LATS1: variants seen among roughly 807,000 people sequenced by gnomAD.
The protein encoded by LATS1 is large tumor suppressor kinase 1, also known as serine/threonine-protein kinase LATS1.
In LATS1, 25 loss-of-function variants were observed where a neutral mutation model predicts 106.6. The ratio of observed to expected loss-of-function variants is 0.23; its 90% CI spans 0.17 to 0.33. The LOEUF (loss-of-function observed/expected upper bound fraction) is 0.33. Ranked by LOEUF, LATS1 falls within the 10% of genes least tolerant of loss-of-function variation. The probability of loss-of-function intolerance (pLI) is 1.00; values close to 1 mark genes in which losing one functional copy is unlikely to be tolerated. For missense variants in LATS1, 1,040 were observed against 1,382.6 expected (o/e 0.75, Z 3.93); for synonymous variants, 465 against 455.6 (o/e 1.02, Z -0.26).
At chr6:149,711,879 AG>A (rs2115018220) in intron 1 of LATS1, among the ~76,000 whole-genome samples, 1 of 152,262 alleles carries the variant, frequency 6.6e-6, no homozygotes, top group African/African-American at 2.4e-5. Flanking sequence ...CTCTTTTTCT[AG>A]GAAGAGCGCT....
intron 7 of LATS1, among the ~76,000 whole-genome samples, chr6:149,673,080 C>CCTTTT (rs201814574): frequency 6.2e-5 from 9 of 146,210 alleles, no homozygotes; most frequent in South Asian, 2.1e-4. Context: ...TTTACTTCTT[C>CCTTTT]CTTTTCTTTT....
rs148683701 is a variant in LATS1 at position 149,697,983 on chromosome 6, A to G, written c.349-2762T>C. 2.7e-3 allele frequency among the ~76,000 whole-genome samples: 411 copies of G among 152,168 alleles called. 2 individuals carry two copies. The highest frequency in any genetic ancestry group is 8.2e-3 in the African/African-American group (341 of 41,514). ...TCGAACTCCTGACCTCAAGTGATCT[A>G]CCCACCTTGGCCTCCTGAAGTGCTG... On this transcript the variant is annotated intron_variant, in intron 2 of 7. Coordinates refer to ENST00000543571, the MANE Select transcript of LATS1 (RefSeq NM_004690.4).
At chr6:149,712,731 T>C (rs1784175083) in intron 1 of LATS1, among the ~76,000 whole-genome samples, 1 of 152,308 alleles carries the variant, frequency 6.6e-6, no homozygotes, top group Non-Finnish European at 1.5e-5. Flanking sequence ...CAGTGGCTCA[T>C]GCCTGTAATT....
chr6:149,670,239 G>A (rs1364643678), intron 7 of LATS1, among the ~76,000 whole-genome samples: 2 of 145,240 alleles, frequency 1.4e-5, no homozygotes, highest in Non-Finnish European at 3.0e-5. Flanking sequence ...TATATATTTT[G>A]TAGTCACTAG....
intron 1 of LATS1, among the ~76,000 whole-genome samples, chr6:149,704,450 TA>T (rs1324948641): frequency 6.6e-6 from 1 of 150,790 alleles, no homozygotes; most frequent in Non-Finnish European, 1.5e-5. Context: ...GAAAATATGC[TA>T]AAAAAACACT....
intron 5 of LATS1, among the ~76,000 whole-genome samples, chr6:149,679,615 T>A (rs1284912154): frequency 6.6e-6 from 1 of 151,386 alleles, no homozygotes; most frequent in Admixed American, 6.6e-5. Flanking sequence ...AAGGTGTGAC[T>A]CAAAAATGTT....
intron 7 of LATS1, among the ~76,000 whole-genome samples, chr6:149,665,990 A>G (rs1781121743): frequency 6.6e-6 from 1 of 151,706 alleles, no homozygotes; most frequent in Non-Finnish European, 1.5e-5. Context: ...AAAAATACAA[A>G]AATTAGCTGG....
chr6:149,666,139 CAAAAAAA>C (rs35062371), intron 7 of LATS1, among the ~76,000 whole-genome samples: 22 of 57,108 alleles, frequency 3.9e-4, no homozygotes, highest in Non-Finnish European at 9.6e-5. Flanking sequence ...ACTCCGTCTC[CAAAAAAA>C]AAAAAAAAAA....
At chr6:149,696,715 G>C (rs1783102668) in intron 2 of LATS1, among the ~76,000 whole-genome samples, 1 of 151,670 alleles carries the variant, frequency 6.6e-6, no homozygotes, top group South Asian at 2.1e-4. Context: ...ACAAATATAA[G>C]ACAAAAGAAG....
chr6:149,715,035 G>C (rs1050257554), intron 1 of LATS1, among the ~76,000 whole-genome samples: 4 of 151,948 alleles, frequency 2.6e-5, no homozygotes, highest in Non-Finnish European at 5.9e-5. Flanking sequence ...TCATCATGTA[G>C]ATGTACTATT....
chr6:149,677,381 A>G (rs931417584), intron 5 of LATS1, among the ~76,000 whole-genome samples: 18 of 152,256 alleles, frequency 1.2e-4, no homozygotes, highest in African/African-American at 3.6e-4. Flanking sequence ...CACAGCTGAT[A>G]AAGGGGAGAA....
chr6:149,683,997 A>G lies in LATS1; in HGVS notation c.1092T>C (p.Pro364=), dbSNP rs1782213489. ...GTGGCTGCCGATTCACAGTGCCAGC[A>G]GGGACAACATTTTGGTGTATCATGA... ...TDFMIHQNVV[P]AGTVNRQPPP... is the part of the protein sequence containing the mutation. Residue 364 remains proline, a synonymous_variant, in exon 4 of 8, where the codon CCT becomes CCC. Coordinates refer to ENST00000543571, the MANE Select transcript of LATS1 (RefSeq NM_004690.4). 4 of 1,614,192 alleles carry G rather than the reference A, an allele frequency of 2.5e-6. No individual in the cohort carries two copies. Among genetic ancestry groups the G allele is most frequent in the Non-Finnish European group, 3.4e-6 (4 of 1,180,024 alleles).
chr6:149,705,992 T>C (rs1446054966), intron 1 of LATS1, among the ~76,000 whole-genome samples: 1 of 151,688 alleles, frequency 6.6e-6, no homozygotes, highest in Non-Finnish European at 1.5e-5. Flanking sequence ...GAGACCAGCC[T>C]GACCAACATG....
At chr6:149,698,722 GT>G (rs928694436) in intron 2 of LATS1, among the ~76,000 whole-genome samples, 20 of 147,740 alleles carry the variant, frequency 1.4e-4, no homozygotes, top group Admixed American at 1.4e-4. Context: ...CCCAGCTAAT[GT>G]TTTTTTTTTC....
chr6:149,694,313 G>A (rs1782941074), intron 3 of LATS1, among the ~76,000 whole-genome samples: 1 of 152,118 alleles, frequency 6.6e-6, no homozygotes, highest in South Asian at 2.1e-4. Flanking sequence ...GTTAAATGAA[G>A]TATATGATAC....
chr6:149,713,539 AC>A (rs1163727261), intron 1 of LATS1, among the ~76,000 whole-genome samples: 2 of 151,466 alleles, frequency 1.3e-5, no homozygotes, highest in Non-Finnish European at 2.9e-5. Flanking sequence ...CGGGTGATCC[AC>A]CCGCCTTGGC....
At chr6:149,711,078 T>TA (rs1784059172) in intron 1 of LATS1, among the ~76,000 whole-genome samples, 2 of 152,044 alleles carry the variant, frequency 1.3e-5, no homozygotes, top group Admixed American at 6.6e-5. Context: ...TCAAACCTAA[T>TA]AGCCTCAAAC....
chr6:149,692,166 C>T (rs1160766134), intron 3 of LATS1, among the ~76,000 whole-genome samples: 1 of 152,160 alleles, frequency 6.6e-6, no homozygotes, highest in Non-Finnish European at 1.5e-5. Context: ...ACTTCTATAC[C>T]TTTCTGCTGC....
Position 149,659,559 on chromosome 6 carries a change from G to A in LATS1, c.*2170C>T. 1 of 230,636 alleles carries A rather than the reference G, an allele frequency of 4.3e-6. No homozygotes were observed. The highest frequency in any genetic ancestry group is 8.6e-6 in the Non-Finnish European group (1 of 116,426). The allele number at this position is 230,636 out of a possible 1,614,324, so 14.3% of individuals were successfully genotyped here. A position where few individuals can be genotyped will look rare whatever the true frequency, so the allele number is the denominator to read the frequency against. ...GTGGGAAGGGAAGGGGGAGGAGACA[G>A]CACCTTAGTTTTCCTACAACATAAA... On this transcript the variant is annotated 3_prime_UTR_variant, in exon 8 of 8. Coordinates refer to ENST00000543571, the MANE Select transcript of LATS1 (RefSeq NM_004690.4).
Sources: gnomAD v4.1 joint callset for allele counts (sites outside exome capture counted in the v4.1 genomes callset) on GRCh38, gnomAD v4.1.1 for gene constraint, MANE v1.5 for transcripts, NCBI Gene and HGNC (gene_info 2026-07-23, HGNC 2026-07-21) for gene names.